Variants in NUCKS1 observed in about 807,000 individuals in gnomAD.
The protein encoded by NUCKS1 is nuclear casein kinase and cyclin dependent kinase substrate 1.
A neutral mutation model predicts 33.0 loss-of-function variants in NUCKS1; 2 were observed. That is an observed-to-expected ratio of 0.06 (90% confidence interval 0.02 to 0.19). The LOEUF is 0.19. Among genes scored for constraint, NUCKS1 ranks in the 10% least tolerant of loss-of-function variants. NUCKS1 has a pLI of 1.00. For missense variants in NUCKS1, 201 were observed against 293.6 expected, an observed-to-expected ratio of 0.68 and a Z score of 2.31; for synonymous variants, 106 against 102.8, an observed-to-expected ratio of 1.03 and a Z score of -0.19.
intron 1 of NUCKS1, among the ~76,000 whole-genome samples, chr1:205,734,589 A>G (rs1483611743): frequency 2.0e-5 from 3 of 152,184 alleles, no homozygotes; most frequent in African/African-American, 7.2e-5. Context: ...ATGACTCATA[A>G]TGACTCATAA....
intron 1 of NUCKS1, among the ~76,000 whole-genome samples, chr1:205,745,858 T>C (rs1182205558): frequency 6.6e-6 from 1 of 152,244 alleles, no homozygotes; most frequent in Non-Finnish European, 1.5e-5. Context: ...TGAAAACCTC[T>C]AGCACAGTTC....
At position 205,715,806 on chromosome 1, in the gene NUCKS1, G is replaced by A. The variant is rs1671811251; in HGVS notation, c.*2474C>T. ...GAGAAAAAGAGGAAGGTTAGTCAAG[G>A]ATGGTGCCAATGGCCAGTCAGTATC... is the stretch of plus-strand genomic sequence containing the variant. On this transcript the variant is annotated 3_prime_UTR_variant, in exon 7 of 7. Transcript: ENST00000367142. 4 of 152,198 alleles carry A rather than the reference G, an allele frequency of 2.6e-5. No homozygotes were observed. The highest frequency in any genetic ancestry group is 2.6e-4 in the Admixed American group (4 of 15,278). The allele number at this position is 152,198 out of a possible 1,614,324, so 9.4% of individuals were successfully genotyped here.
intron 1 of NUCKS1, among the ~76,000 whole-genome samples, chr1:205,744,302 C>CT (rs1056052062): frequency 6.6e-6 from 1 of 152,136 alleles, no homozygotes; most frequent in Non-Finnish European, 1.5e-5. Context: ...TGTGTAGTTA[C>CT]TTTTTTTATC....
intron 1 of NUCKS1, among the ~76,000 whole-genome samples, chr1:205,736,689 G>A (rs576509635): frequency 4.3e-4 from 65 of 152,128 alleles, no homozygotes; most frequent in East Asian, 1.2e-3. Context: ...AAATTAGCCC[G>A]GCGTGGTTGT....
At chr1:205,732,891 G>A (rs895299020) in intron 1 of NUCKS1, among the ~76,000 whole-genome samples, 2 of 148,538 alleles carry the variant, frequency 1.3e-5, no homozygotes, top group Non-Finnish European at 3.0e-5. Flanking sequence ...TAATATTTTT[G>A]GGCTACTATG....
At position 205,713,288 on chromosome 1, in the gene NUCKS1, C is replaced by T. The variant is rs1671774268; in HGVS notation, c.*4992G>A. On this transcript the variant is annotated 3_prime_UTR_variant, in exon 7 of 7. Transcript: ENST00000367142. The stretch of plus-strand genomic sequence containing the variant: ...GATACAGAAAAAGAATAACTTGCTT[C>T]ATATGTCCCAAAAAGAGAAAAAAAT... The T allele has an allele frequency of 1.3e-5, 2 of 152,008 alleles. No individual in the cohort carries two copies. The highest frequency in any genetic ancestry group is 4.8e-5 in the African/African-American group (2 of 41,408). The allele number at this position is 152,008 out of a possible 1,614,324, so 9.4% of individuals were successfully genotyped here.
At chr1:205,727,617 T>A in intron 3 of NUCKS1, 83 bp downstream of exon 3, 1 of 919,662 alleles carries the variant, frequency 1.1e-6, no homozygotes, top group Non-Finnish European at 1.8e-6. Flanking sequence ...GTATATGAGA[T>A]TCCAACAATT....
At chr1:205,720,910 A>T (rs894560897) in intron 4 of NUCKS1, among the ~76,000 whole-genome samples, 1 of 152,200 alleles carries the variant, frequency 6.6e-6, no homozygotes, top group Non-Finnish European at 1.5e-5. Flanking sequence ...CATACACACC[A>T]TGGAATACTA....
At chr1:205,744,291 C>CTGTG (rs1654256710) in intron 1 of NUCKS1, among the ~76,000 whole-genome samples, 1 of 152,156 alleles carries the variant, frequency 6.6e-6, no homozygotes, top group Non-Finnish European at 1.5e-5. Flanking sequence ...GTTAGGTGAA[C>CTGTG]TGTGTAGTTA....
At chr1:205,721,233 G>A (rs944638421) in intron 4 of NUCKS1, among the ~76,000 whole-genome samples, 7 of 151,414 alleles carry the variant, frequency 4.6e-5, no homozygotes, top group African/African-American at 1.5e-4. Context: ...ACACATTTAC[G>A]TATGTAACAA....
At chr1:205,722,182 T>C (rs1671930601) in intron 4 of NUCKS1, among the ~76,000 whole-genome samples, 1 of 152,056 alleles carries the variant, frequency 6.6e-6, no homozygotes. Context: ...TTCAAGCTAT[T>C]CTCCTGTCTC....
At chr1:205,743,006 T>G (rs778990906) in intron 1 of NUCKS1, among the ~76,000 whole-genome samples, 7 of 152,150 alleles carry the variant, frequency 4.6e-5, no homozygotes, top group Non-Finnish European at 8.8e-5. Context: ...AATGCAAATT[T>G]AACACTTTTC....
rs974466192 is a variant in NUCKS1 at position 205,714,265 on chromosome 1, GAAC to G, written c.*4012_*4014del. The G allele has an allele frequency of 1.3e-5, 2 of 151,552 alleles. No individual in the cohort carries two copies. The highest frequency in any genetic ancestry group is 2.9e-5 in the Non-Finnish European group (2 of 67,932). 9.4% of individuals were successfully genotyped at this position (151,552 alleles called of 1,614,324 possible). A position where few individuals can be genotyped will look rare whatever the true frequency, so the allele number is the denominator to read the frequency against. On this transcript the variant is annotated 3_prime_UTR_variant, in exon 7 of 7. Coordinates refer to ENST00000367142, the MANE Select transcript of NUCKS1 (RefSeq NM_022731.5). ...ATACCCCCACACCCCATCAAAAAAGGAACAACAAAAAAATCCCAATTTTACCCT... is the reference window on the plus strand; with the variant it reads ...ATACCCCCACACCCCATCAAAAAAGGAACAAAAAAATCCCAATTTTACCCT...
intron 4 of NUCKS1, among the ~76,000 whole-genome samples, chr1:205,722,156 G>T (rs989815964): frequency 1.3e-5 from 2 of 151,578 alleles, no homozygotes; most frequent in African/African-American, 4.9e-5. Flanking sequence ...GCTCATTGCA[G>T]CCTGTGCCTC....
intron 1 of NUCKS1, among the ~76,000 whole-genome samples, chr1:205,738,827 G>C (rs527853153): frequency 6.6e-6 from 1 of 152,174 alleles, no homozygotes; most frequent in Non-Finnish European, 1.5e-5. Flanking sequence ...AGAATAGCTT[G>C]AGCCTGGGAG....
chr1:205,719,160 A>G (rs1671878990), intron 6 of NUCKS1, among the ~76,000 whole-genome samples: 1 of 152,200 alleles, frequency 6.6e-6, no homozygotes, highest in South Asian at 2.1e-4. Context: ...AGGTTTGTGC[A>G]TTTTCACAAT....
intron 4 of NUCKS1, among the ~76,000 whole-genome samples, chr1:205,723,341 CCAA>C (rs1271835964): frequency 1.3e-5 from 2 of 152,040 alleles, no homozygotes; most frequent in Non-Finnish European, 2.9e-5. Flanking sequence ...AAAATAAATA[CCAA>C]CAACAAGTAG....
chr1:205,740,166 C>T (rs1654132546), intron 1 of NUCKS1, among the ~76,000 whole-genome samples: 1 of 151,422 alleles, frequency 6.6e-6, no homozygotes, highest in South Asian at 2.1e-4. Flanking sequence ...CCACAGCTGG[C>T]TAATTTTTTT....
Position 205,718,405 on chromosome 1 carries a change from G to A in NUCKS1, c.607C>T (p.Pro203Ser). ...TCCTCATCTTCTTCTTTGGGAGAAG[G>A]AGTCTTTTCCTTTGATGCCTTTGAA... ...TASKASKEKT[P>S]SPKEEDEEPE... Residue 203 changes from proline (P) to serine (S), a missense_variant, in exon 7 of 7, where the codon CCT (proline) becomes TCT (serine). Pro to Ser is a moderately conservative substitution (Grantham distance 74, BLOSUM62 -1). Transcript: ENST00000367142. 1 of 1,613,140 alleles carries A rather than the reference G, an allele frequency of 6.2e-7. No homozygotes were observed. The highest frequency in any genetic ancestry group is 8.5e-7 in the Non-Finnish European group (1 of 1,179,930).
Sources: gnomAD v4.1 joint callset for allele counts (sites outside exome capture counted in the v4.1 genomes callset) on GRCh38, gnomAD v4.1.1 for gene constraint, MANE v1.5 for transcripts, NCBI Gene and HGNC (gene_info 2026-07-23, HGNC 2026-07-21) for gene names.